Variants in HOMER2 observed in about 807,000 individuals in gnomAD.
HOMER2 encodes homer scaffold protein 2, also known as homer protein homolog 2.
HOMER2 carries 27 observed loss-of-function variants against 47.0 expected under a neutral mutation model. The ratio of observed to expected loss-of-function variants is 0.57; its 90% CI spans 0.42 to 0.79. The LOEUF is 0.79. Among genes scored for constraint, HOMER2 ranks in the 30% least tolerant of loss-of-function variants. HOMER2 has a pLI of 0.00. For missense variants in HOMER2, 443 were observed against 435.0 expected (o/e 1.02, Z -0.16); for synonymous variants, 161 against 163.8 (o/e 0.98, Z 0.13).
chr15:82,931,714 T>C (rs146054511), intron 1 of HOMER2, among the ~76,000 whole-genome samples: 1,639 of 152,238 alleles, frequency 0.011, 8 homozygotes, highest in Non-Finnish European at 0.016. Context: ...GGCATGCACC[T>C]GTAGTCCCAG....
In HOMER2 at chr15:82,927,138, C is replaced by A. The variant is rs754104148; in HGVS notation, c.5+25393G>T. Among the ~76,000 whole-genome samples the A allele has an allele frequency of 2.0e-5, 3 of 152,206 alleles. No homozygotes were observed. In the East Asian group the frequency reaches 5.8e-4, roughly 29 times the overall value. On this transcript the variant is annotated intron_variant, in intron 1 of 8. Transcript: ENST00000450735. Reference sequence around the variant, plus strand: ...GGACACAAACATTCAGGCTCTAGCACATATGATGCCACTCCCAGCCCAGCC... The same window carrying A: ...GGACACAAACATTCAGGCTCTAGCAAATATGATGCCACTCCCAGCCCAGCC...
chr15:82,839,982 A>G (rs2051160191), exon 2 of HOMER2: 1 of 152,174 alleles, frequency 6.6e-6, no homozygotes, highest in Admixed American at 6.5e-5. Flanking sequence ...AAGAAATGCT[A>G]AAAAACAACA....
intron 1 of HOMER2, among the ~76,000 whole-genome samples, chr15:82,917,315 G>T (rs1217063452): frequency 6.6e-6 from 1 of 152,168 alleles, no homozygotes; most frequent in East Asian, 1.9e-4. Context: ...TAATCTGCAG[G>T]ATATCACCAA....
chr15:82,838,547 A>G (rs2051147657), exon 2 of HOMER2: 1 of 152,470 alleles, frequency 6.6e-6, no homozygotes. Context: ...CCAGGCAGGC[A>G]GAGCCAAGTA....
At chr15:82,957,136 G>A (rs770203303), upstream of HOMER2, among the ~76,000 whole-genome samples, 27 of 152,206 alleles carry the variant, frequency 1.8e-4, no homozygotes, top group Middle Eastern at 3.4e-3. Flanking sequence ...AATTAGCTGG[G>A]CATGGTGGCA....
downstream of HOMER2, chr15:82,846,614 G>C (rs532726362): frequency 6.7e-6 from 1 of 148,340 alleles, no homozygotes; most frequent in South Asian, 2.4e-4. Context: ...GACCCTGGGC[G>C]TGTCACTTTC....
chr15:82,938,948 C>T (rs565337496), intron 1 of HOMER2, among the ~76,000 whole-genome samples: 1 of 152,198 alleles, frequency 6.6e-6, no homozygotes, highest in African/African-American at 2.4e-5. Context: ...GGCTCATTCA[C>T]CGGCTTCTTT....
intron 1 of HOMER2, among the ~76,000 whole-genome samples, chr15:82,970,487 TA>T (rs1310920940): frequency 6.6e-6 from 1 of 152,248 alleles, no homozygotes; most frequent in South Asian, 2.1e-4. Context: ...ATTCTTTTTT[TA>T]TCTTTGGTTT....
At chr15:82,919,795 A>T (rs554275791) in intron 1 of HOMER2, among the ~76,000 whole-genome samples, 13 of 152,242 alleles carry the variant, frequency 8.5e-5, no homozygotes, top group South Asian at 2.1e-4. Context: ...ACAGGAAAAC[A>T]TTCCTAGTAT....
In HOMER2 at chr15:82,944,836, G is replaced by A. The variant is rs188486957; in HGVS notation, c.5+7695C>T. Among the ~76,000 whole-genome samples the A allele has an allele frequency of 3.4e-3, 521 of 152,136 alleles. 4 individuals are homozygous for A. The highest frequency in any genetic ancestry group is 0.031 in the Middle Eastern group (9 of 294). On this transcript the variant is annotated intron_variant, in intron 1 of 8. Transcript: ENST00000450735. ...CATCCCTGCCAACTGGCTCACTGGG[G>A]GAATTCTCTTTGAAGGAGGGGGTGT...
chr15:82,890,063 G>A (rs1029040814), intron 2 of HOMER2, among the ~76,000 whole-genome samples: 3 of 152,282 alleles, frequency 2.0e-5, no homozygotes, highest in East Asian at 1.9e-4. Flanking sequence ...ACGAGGTGGC[G>A]GCAGGGCGCG....
chr15:82,978,396 T>C (rs1222457803), intron 1 of HOMER2, among the ~76,000 whole-genome samples: 3 of 152,092 alleles, frequency 2.0e-5, no homozygotes, highest in Non-Finnish European at 4.4e-5. Context: ...TCCGTTCTAC[T>C]TGGAGGTGGG....
At position 82,849,670 on chromosome 15, in the gene HOMER2, A is replaced by G; in HGVS notation, c.*45T>C. 1 of 1,561,808 alleles carries G rather than the reference A, an allele frequency of 6.4e-7. No homozygotes were observed. ...ACGTCCTAGAGCTATCTGGTCTCGC[A>G]CACACGCTTGGGACTCACGGGCGGG... On this transcript the variant is annotated 3_prime_UTR_variant, in exon 9 of 9. Transcript: ENST00000450735.
intron 1 of HOMER2, among the ~76,000 whole-genome samples, chr15:82,972,822 T>C (rs767697082): frequency 6.6e-6 from 1 of 152,146 alleles, no homozygotes; most frequent in Non-Finnish European, 1.5e-5. Context: ...GCCTTCTGAG[T>C]AACAAAATGC....
chr15:82,910,986 T>C (rs1177431521), intron 1 of HOMER2, among the ~76,000 whole-genome samples: 8 of 152,218 alleles, frequency 5.3e-5, no homozygotes, highest in African/African-American at 1.9e-4. Context: ...GGGACATTAA[T>C]ATAACCACCT....
At chr15:82,900,482 G>GA (rs67341050) in intron 1 of HOMER2, among the ~76,000 whole-genome samples, 41,669 of 151,994 alleles carry the variant, frequency 0.27, 5,870 homozygotes, top group East Asian at 0.4. Flanking sequence ...TTATTCACTG[G>GA]AAAACTCTAT....
chr15:82,836,780 G>A (rs956185023), downstream of HOMER2, among the ~76,000 whole-genome samples: 5 of 152,190 alleles, frequency 3.3e-5, no homozygotes, highest in Admixed American at 1.3e-4. Context: ...AGGTGGTAAC[G>A]GCAGCCAGAA....
chr15:82,894,976 C>T (rs1345045337), intron 1 of HOMER2, among the ~76,000 whole-genome samples: 1 of 152,184 alleles, frequency 6.6e-6, no homozygotes. Context: ...TCCTAGAAAA[C>T]CAATTTGCCA....
chr15:82,864,862 G>A (rs1404408053), intron 3 of HOMER2, among the ~76,000 whole-genome samples: 1 of 152,168 alleles, frequency 6.6e-6, no homozygotes, highest in Non-Finnish European at 1.5e-5. Context: ...CTAACAAGGT[G>A]GCCAATTTTA....
Sources: allele counts gnomAD v4.1 joint callset (sites outside exome capture counted in the v4.1 genomes callset), GRCh38; gene constraint gnomAD v4.1.1; transcripts MANE v1.5; gene names NCBI Gene and HGNC (gene_info 2026-07-23, HGNC 2026-07-21).